ACSM1: variants seen among roughly 807,000 people sequenced by gnomAD.
The protein encoded by ACSM1 is acyl-coenzyme A synthetase ACSM1, mitochondrial.
Under a neutral mutation model 75.8 loss-of-function variants are expected in ACSM1, and 79 were observed. The observed-to-expected ratio is 1.04, with a 90% CI of 0.87 to 1.26. The LOEUF (loss-of-function observed/expected upper bound fraction) is 1.26. ACSM1 is among the 50% of genes most tolerant of loss of function. The probability of loss-of-function intolerance (pLI) is 0.00; values close to 1 mark genes in which losing one functional copy is unlikely to be tolerated. For synonymous variants in ACSM1, 279 were observed against 265.8 expected, an observed-to-expected ratio of 1.05 and a Z score of -0.48; for missense variants, 676 against 720.1, an observed-to-expected ratio of 0.94 and a Z score of 0.70.
chr16:20,669,626 C>T (rs2019779005), intron 6 of ACSM1, among the ~76,000 whole-genome samples: 1 of 152,154 alleles, frequency 6.6e-6, no homozygotes, highest in African/African-American at 2.4e-5. Flanking sequence ...CCCAGTAATA[C>T]ACATTTTCTT....
In ACSM1 at chr16:20,685,405, T is replaced by TG. The variant is rs1438559765; in HGVS notation, c.193-3dup. On this transcript the variant is annotated splice_region_variant and splice_polypyrimidine_tract_variant and intron_variant, in intron 2 of 13. Coordinates refer to ENST00000520010, the MANE Select transcript of ACSM1 (RefSeq NM_001318890.3). ...TGGATTTGGACCTCTCTTGCCCTCC[T>TG]GGTCAAGACCATATATTATGTGTTA... 1 of 1,613,564 alleles carries TG rather than the reference T, an allele frequency of 6.2e-7. No homozygotes were observed. Among genetic ancestry groups the TG allele is most frequent in the Non-Finnish European group, 8.5e-7 (1 of 1,179,418 alleles).
chr16:20,635,935 T>G (rs1240091356), intron 10 of ACSM1, among the ~76,000 whole-genome samples: 1 of 152,086 alleles, frequency 6.6e-6, no homozygotes, highest in African/African-American at 2.4e-5. Context: ...CACCCCACCC[T>G]GCCTAATTTT....
intron 7 of ACSM1, among the ~76,000 whole-genome samples, chr16:20,655,937 A>C (rs549300588): frequency 5.9e-5 from 9 of 152,320 alleles, no homozygotes; most frequent in African/African-American, 2.2e-4. Flanking sequence ...TCAGTATTAC[A>C]GGCATGAGTC....
At chr16:20,690,226 C>T (rs1048678970) in intron 2 of ACSM1, among the ~76,000 whole-genome samples, 7 of 152,186 alleles carry the variant, frequency 4.6e-5, no homozygotes, top group Non-Finnish European at 8.8e-5. Context: ...CAGGGGGATT[C>T]TCTCTTCTGT....
At position 20,623,596 on chromosome 16, in the gene ACSM1, A is replaced by G; in HGVS notation, c.1648-24T>C. 1.9e-6 allele frequency: 3 copies of G among 1,601,182 alleles called. No individual in the cohort carries two copies. In the South Asian group the frequency reaches 3.3e-5, roughly 18 times the overall value. On this transcript the variant is annotated intron_variant, in intron 13 of 13. Coordinates refer to ENST00000520010, the MANE Select transcript of ACSM1 (RefSeq NM_001318890.3). ...ACCTGGTTGAGGATAAAGCAAATCC[A>G]CAGTGATTGAGTCCTGCTGCCATTT...
chr16:20,652,159 A>G (rs1304106610), intron 7 of ACSM1, among the ~76,000 whole-genome samples: 1 of 152,096 alleles, frequency 6.6e-6, no homozygotes, highest in Non-Finnish European at 1.5e-5. Context: ...TTGGCTATCA[A>G]TTTTTTGCAA....
At chr16:20,690,519 G>T (rs891635361) in intron 2 of ACSM1, among the ~76,000 whole-genome samples, 1 of 152,228 alleles carries the variant, frequency 6.6e-6, no homozygotes, top group South Asian at 2.1e-4. Flanking sequence ...ATGGGAAGAT[G>T]GATGGCCTAA....
At chr16:20,663,316 C>A (rs1006991022) in intron 6 of ACSM1, among the ~76,000 whole-genome samples, 6 of 152,298 alleles carry the variant, frequency 3.9e-5, no homozygotes, top group African/African-American at 1.4e-4. Context: ...GTCCTCCCAT[C>A]CTCACCTCTT....
chr16:20,629,771 AT>A (rs1949176467), intron 10 of ACSM1, among the ~76,000 whole-genome samples: 1 of 152,186 alleles, frequency 6.6e-6, no homozygotes, highest in South Asian at 2.1e-4. Flanking sequence ...AGGCGGGTGG[AT>A]CATGAGGTCA....
intron 7 of ACSM1, among the ~76,000 whole-genome samples, chr16:20,645,065 C>T (rs1240524787): frequency 6.6e-6 from 1 of 152,192 alleles, no homozygotes; most frequent in Non-Finnish European, 1.5e-5. Context: ...TTATGAAATA[C>T]TCAGGAACCT....
chr16:20,677,673 T>C (rs1596931132), intron 4 of ACSM1, among the ~76,000 whole-genome samples: 1 of 152,206 alleles, frequency 6.6e-6, no homozygotes, highest in African/African-American at 2.4e-5. Flanking sequence ...GGGAATCTGC[T>C]GAGCTGGGTA....
chr16:20,696,553 A>C (rs1008308450), intron 1 of ACSM1, among the ~76,000 whole-genome samples: 1 of 152,234 alleles, frequency 6.6e-6, no homozygotes, highest in Non-Finnish European at 1.5e-5. Flanking sequence ...TGTACCATGT[A>C]CAGTTTTAGA....
Position 20,636,745 on chromosome 16 carries a change from G to A in ACSM1, c.1293C>T (p.Cys431=). The A allele has an allele frequency of 6.2e-7, 1 of 1,613,474 alleles. No homozygotes were observed. Among genetic ancestry groups the A allele is most frequent in the Non-Finnish European group, 8.5e-7 (1 of 1,179,410 alleles). Residue 431 remains cysteine (C), a synonymous_variant, in exon 10 of 14, where the codon TGC becomes TGT. Transcript: ENST00000520010. ...KPVRPVSLFM[C]YEGDPEKTAK... ...GCAGATGGGGGGTCATTACCTCATA[G>A]CACATGAAGAGGCTCACAGGCCTGA...
intron 4 of ACSM1, chr16:20,679,951 A>G (rs2079404485): frequency 6.6e-6 from 1 of 152,132 alleles, no homozygotes; most frequent in Admixed American, 6.5e-5. Context: ...TATGCTGCAT[A>G]TGTTCACAAT....
intron 8 of ACSM1, among the ~76,000 whole-genome samples, chr16:20,640,045 T>G (rs987151137): frequency 4.6e-5 from 7 of 152,222 alleles, no homozygotes; most frequent in Non-Finnish European, 7.3e-5. Context: ...CATTTATAGC[T>G]CATCTTCACA....
chr16:20,623,415 A>T lies in ACSM1; in HGVS notation c.*71T>A. 1 of 1,383,006 alleles carries T rather than the reference A, an allele frequency of 7.2e-7. No individual in the cohort carries two copies. The highest frequency in any genetic ancestry group is 1.0e-6 in the Non-Finnish European group (1 of 973,830). The allele number at this position is 1,383,006 out of a possible 1,614,324, so 85.7% of individuals were successfully genotyped here. ...CTCTCAATGCCCCACCCTCGTCCTC[A>T]CCATAGTGGGGAGACTAAAGTGGCC... On this transcript the variant is annotated 3_prime_UTR_variant, in exon 14 of 14. Coordinates refer to ENST00000520010, the MANE Select transcript of ACSM1 (RefSeq NM_001318890.3).
chr16:20,658,103 A>C (rs2019083445), intron 7 of ACSM1, among the ~76,000 whole-genome samples: 1 of 152,208 alleles, frequency 6.6e-6, no homozygotes, highest in African/African-American at 2.4e-5. Flanking sequence ...CATGATTTAC[A>C]ATCCTTTGGG....
chr16:20,682,514 G>A (rs1229798497), intron 3 of ACSM1, 51 bp from the exon 4 acceptor site: 2 of 1,489,608 alleles, frequency 1.3e-6, no homozygotes, highest in Admixed American at 3.4e-5. Flanking sequence ...CACAACCATG[G>A]GCTTTAGACT....
chr16:20,637,764 G>A (rs746480388), intron 8 of ACSM1, among the ~76,000 whole-genome samples: 4 of 152,238 alleles, frequency 2.6e-5, no homozygotes, highest in Non-Finnish European at 2.9e-5. Context: ...AATGTGGGGT[G>A]TGGCATGCCC....
Sources: allele counts gnomAD v4.1 joint callset (sites outside exome capture counted in the v4.1 genomes callset), GRCh38; gene constraint gnomAD v4.1.1; transcripts MANE v1.5; gene names NCBI Gene and HGNC (gene_info 2026-07-23, HGNC 2026-07-21).